The following ACSS1 variants were observed in gnomAD, a reference collection of about 807,000 sequenced individuals.
ACSS1 encodes the protein acyl-CoA synthetase short chain family member 1.
Under a neutral mutation model 75.3 loss-of-function variants are expected in ACSS1, and 42 were observed. That is an observed-to-expected ratio of 0.56 (90% CI 0.44 to 0.72). The LOEUF (loss-of-function observed/expected upper bound fraction) is 0.72, where lower values mean the gene tolerates loss of function less well. Ranked by LOEUF, ACSS1 falls within the 30% of genes least tolerant of loss-of-function variation. ACSS1 has a pLI of 0.00. For synonymous variants in ACSS1, 380 were observed against 376.8 expected (o/e 1.01, Z -0.10); for missense variants, 782 against 935.7 (o/e 0.84, Z 2.14).
intron 2 of ACSS1, among the ~76,000 whole-genome samples, chr20:25,038,363 C>T (rs1366223016): frequency 6.6e-6 from 1 of 152,160 alleles, no homozygotes; most frequent in Non-Finnish European, 1.5e-5. Context: ...TGTGAAATGG[C>T]CTAATAATAG....
chr20:25,012,748 TTG>T, intron 11 of ACSS1, 62 bp downstream of exon 11: 6 of 1,612,924 alleles, frequency 3.7e-6, no homozygotes, highest in Admixed American at 1.7e-5. Context: ...CCACCCCAAC[TTG>T]CAGGTCCACA....
At chr20:25,046,021 T>A (rs899348371) in intron 2 of ACSS1, 4 of 152,054 alleles carry the variant, frequency 2.6e-5, no homozygotes, top group African/African-American at 9.7e-5. Context: ...CACCTCCCAG[T>A]TTCAAGCAGT....
intron 7 of ACSS1, among the ~76,000 whole-genome samples, chr20:25,016,217 C>T (rs922852932): frequency 1.3e-5 from 2 of 152,128 alleles, no homozygotes; most frequent in South Asian, 2.1e-4. Context: ...CAAGTGCAGC[C>T]GGATCTGTCC....
At chr20:25,021,299 C>T (rs2088619980) in intron 6 of ACSS1, 90 bp downstream of exon 6, 2 of 1,497,314 alleles carry the variant, frequency 1.3e-6, no homozygotes, top group Non-Finnish European at 1.8e-6. Flanking sequence ...CCAGGCGTCC[C>T]CCTTCCATGA....
At position 25,023,041 on chromosome 20, in the gene ACSS1, C is replaced by A. The variant is rs1424839120; in HGVS notation, c.859G>T (p.Asp287Tyr). ...GAGGTGTACAGCATGAAGAGCATGTCCTCACTGCCCATGCTCTCTGGGGCG... is the reference window on the plus strand; with the variant it reads ...GAGGTGTACAGCATGAAGAGCATGTACTCACTGCCCATGCTCTCTGGGGCG... ...VCAPESMGSEDMLFMLYTSGS... is the reference protein window; with the variant it reads ...VCAPESMGSEYMLFMLYTSGS... The change falls in exon 5 of 14, where the codon GAC (aspartate) becomes TAC (tyrosine). Residue 287 changes from aspartate (D) to tyrosine (Y), a missense_variant. Asp to Tyr is a radical substitution (Grantham distance 160, BLOSUM62 -3). Around this residue, in one of 2 missense-constraint regions of ACSS1, gnomAD observed 405 missense variants for 552.6 expected, o/e 0.73. Coordinates refer to ENST00000323482, the MANE Select transcript of ACSS1 (RefSeq NM_032501.4). 3.7e-6 allele frequency: 6 copies of A among 1,614,112 alleles called. No homozygotes were observed. Among genetic ancestry groups the A allele is most frequent in the Non-Finnish European group, 5.1e-6 (6 of 1,180,014 alleles).
At chr20:25,030,683 A>C in intron 3 of ACSS1, 76 bp downstream of exon 3, 1 of 1,535,080 alleles carries the variant, frequency 6.5e-7, no homozygotes, top group East Asian at 2.2e-5. Context: ...GATGGTCTCT[A>C]CACTGATGGC....
intron 2 of ACSS1, among the ~76,000 whole-genome samples, chr20:25,042,970 G>GTGACTGCATTTTGCAAA (rs1276913480): frequency 6.6e-6 from 1 of 152,202 alleles, no homozygotes. Context: ...AAAACCAAGG[G>GTGACTGCATTTTGCAAA]TGGGAGAGGT....
At chr20:25,032,009 A>G (rs2088831746) in intron 2 of ACSS1, among the ~76,000 whole-genome samples, 1 of 152,186 alleles carries the variant, frequency 6.6e-6, no homozygotes, top group South Asian at 2.1e-4. Flanking sequence ...CAAGCAGGGC[A>G]GCCACAACTC....
At position 25,058,020 on chromosome 20, in the gene ACSS1, G is replaced by T; in HGVS notation, c.83C>A (p.Pro28Gln). 4 of 1,395,906 alleles carry T rather than the reference G, an allele frequency of 2.9e-6. 1 individual carries two copies. The South Asian group carries it at 4.9e-5, about 17-fold the overall frequency. 86.5% of individuals were successfully genotyped at this position (1,395,906 alleles called of 1,614,324 possible). A position where few individuals can be genotyped will look rare whatever the true frequency, so the allele number is the denominator to read the frequency against. Residue 28 changes from proline (P) to glutamine (Q), a missense_variant, in exon 1 of 14, where the codon CCG (proline) becomes CAG (glutamine). Coordinates refer to ENST00000323482, the MANE Select transcript of ACSS1 (RefSeq NM_032501.4). ...RGLSGQPARPPCGVSAPRRAA... is the reference protein window; with the variant it reads ...RGLSGQPARPQCGVSAPRRAA... Reference sequence around the variant, plus strand: ...CCTGCGCGGCGCGCTCACCCCGCACGGCGGCCGCGCGGGCTGCCCCGAGAG... The same window carrying T: ...CCTGCGCGGCGCGCTCACCCCGCACTGCGGCCGCGCGGGCTGCCCCGAGAG...
chr20:25,024,926 C>T (rs1297492052), intron 3 of ACSS1, among the ~76,000 whole-genome samples: 1 of 152,166 alleles, frequency 6.6e-6, no homozygotes, highest in Non-Finnish European at 1.5e-5. Flanking sequence ...GCCGTGGCTA[C>T]ACACACTCTT....
Position 25,048,158 on chromosome 20 carries a change from G to A in ACSS1, c.358C>T (p.Arg120Trp), listed in dbSNP as rs199932802. The A allele has an allele frequency of 1.8e-4, 297 of 1,613,382 alleles. No homozygotes were observed. Among genetic ancestry groups the A allele is most frequent in the Non-Finnish European group, 2.3e-4 (269 of 1,179,980 alleles). Reference sequence around the variant, plus strand: ...AAAGCAACGCTCTCGGGGGACTTCCGAACATGCTGGTCCAAGCAGTTGACT... The same window carrying A: ...AAAGCAACGCTCTCGGGGGACTTCCAAACATGCTGGTCCAAGCAGTTGACT... ...VSVNCLDQHV[R>W]KSPESVALIW... The change falls in exon 2 of 14, where the codon CGG becomes TGG. Residue 120 changes from arginine (R) to tryptophan (W), a missense_variant. By Grantham distance (101) the Arg-to-Trp change is moderately radical. Transcript: ENST00000323482.
chr20:25,037,005 AAAGG>A lies in ACSS1; in HGVS notation c.432-6051_432-6048del, dbSNP rs146710264. Among the ~76,000 whole-genome samples, 231 of 131,950 alleles carry A rather than the reference AAAGG, an allele frequency of 1.8e-3. 1 individual carries two copies. The highest frequency in any genetic ancestry group is 2.2e-3 in the South Asian group (9 of 4,130). 86.6% of individuals were successfully genotyped at this position (131,950 alleles called of 152,430 possible). ...AAAGAAAAAGAAAGAAAGAAGAAAG[AAAGG>A]AAGGAAGGAAGGAAGGAAGGAAAGA... On this transcript the variant is annotated intron_variant, in intron 2 of 13. Transcript: ENST00000323482.
chr20:25,028,563 T>C (rs1208067710), intron 3 of ACSS1, among the ~76,000 whole-genome samples: 5 of 152,114 alleles, frequency 3.3e-5, no homozygotes, highest in Admixed American at 2.6e-4. Context: ...TGGATAGCCA[T>C]AGGACAAAGA....
intron 8 of ACSS1, 38 bp from the exon 9 acceptor site, chr20:25,014,111 C>T (rs758166369): frequency 7.2e-6 from 11 of 1,517,760 alleles, no homozygotes; most frequent in South Asian, 3.6e-5. Flanking sequence ...TAATCGGCCC[C>T]GGACCCAGGG....
rs755652796 is a variant in ACSS1 at position 25,030,744 on chromosome 20, T to G, written c.631+15A>C. On this transcript the variant is annotated intron_variant, in intron 3 of 13. Transcript: ENST00000323482. Reference sequence around the variant, plus strand: ...GAACTCCAGGGTTCCTCCCTCCCCATGCCCACCTCCTCACCATCATTGATC... The same window carrying G: ...GAACTCCAGGGTTCCTCCCTCCCCAGGCCCACCTCCTCACCATCATTGATC... 1 of 1,613,504 alleles carries G rather than the reference T, an allele frequency of 6.2e-7. No individual in the cohort carries two copies. Among genetic ancestry groups the G allele is most frequent in the South Asian group, 1.1e-5 (1 of 91,030 alleles).
intron 12 of ACSS1, chr20:25,009,741 G>A (rs532828034): frequency 4.7e-6 from 1 of 211,638 alleles, no homozygotes; most frequent in Non-Finnish European, 9.5e-6. Context: ...GATGGAATGA[G>A]ACTTCCATGA....
Position 25,012,882 on chromosome 20 carries a change from G to A in ACSS1, c.1637C>T (p.Thr546Ile). 5 of 1,614,190 alleles carry A rather than the reference G, an allele frequency of 3.1e-6. No homozygotes were observed. Among genetic ancestry groups the A allele is most frequent in the Non-Finnish European group, 4.2e-6 (5 of 1,180,044 alleles). ...GTTGATGACATCATCCATCCGCCCTGTGATCTGGTAATAGCCGCCCTCAGT... is the reference window on the plus strand; with the variant it reads ...GTTGATGACATCATCCATCCGCCCTATGATCTGGTAATAGCCGCCCTCAGT... ...YRTEGGYYQI[T>I]GRMDDVINIS... The change falls in exon 11 of 14, where the codon ACA becomes ATA. Residue 546 changes from threonine (T) to isoleucine (I), a missense_variant. By Grantham distance (89) the Thr-to-Ile change is moderately conservative (BLOSUM62 -1). Coordinates refer to ENST00000323482, the MANE Select transcript of ACSS1 (RefSeq NM_032501.4).
At chr20:25,014,143 G>T in intron 8 of ACSS1, 70 bp from the exon 9 acceptor site, 1 of 1,312,984 alleles carries the variant, frequency 7.6e-7, no homozygotes, top group Non-Finnish European at 1.1e-6. Flanking sequence ...CAGAGTGGGT[G>T]GTAGGTGGGA....
At chr20:25,027,779 CAAAAA>C (rs78414153) in intron 3 of ACSS1, among the ~76,000 whole-genome samples, 1 of 75,340 alleles carries the variant, frequency 1.3e-5, no homozygotes, top group African/African-American at 5.0e-5. Context: ...AGTGATCAGG[CAAAAA>C]AAAAAAAAAA....
Sources: allele counts gnomAD v4.1 joint callset (sites outside exome capture counted in the v4.1 genomes callset), GRCh38; gene constraint gnomAD v4.1.1; regional missense constraint gnomAD v4.1.1; transcripts MANE v1.5; gene names NCBI Gene and HGNC (gene_info 2026-07-23, HGNC 2026-07-21).